GHR: variants seen among roughly 807,000 people sequenced by gnomAD.
GHR encodes growth hormone receptor.
GHR carries 35 observed loss-of-function variants against 67.1 expected under a neutral mutation model. The ratio of observed to expected loss-of-function variants is 0.52; its 90% CI spans 0.40 to 0.69. The LOEUF (loss-of-function observed/expected upper bound fraction) is 0.69, where lower values mean the gene tolerates loss of function less well. Among genes scored for constraint, GHR ranks in the 30% least tolerant of loss-of-function variants. GHR has a pLI of 0.00. For synonymous variants in GHR, 272 were observed against 269.1 expected (o/e 1.01, Z -0.10); for missense variants, 792 against 764.6 (o/e 1.04, Z -0.42).
intron 3 of GHR, among the ~76,000 whole-genome samples, chr5:42,679,093 G>T (rs1756713833): frequency 7.1e-6 from 1 of 139,992 alleles, no homozygotes; most frequent in Admixed American, 7.3e-5. Context: ...ACTAATATTA[G>T]TATGTATTAA....
chr5:42,562,053 ATC>A (rs1749636605), intron 1 of GHR, among the ~76,000 whole-genome samples: 1 of 152,210 alleles, frequency 6.6e-6, no homozygotes, highest in African/African-American at 2.4e-5. Context: ...CATCTAGTAT[ATC>A]ATTACATTGT....
At chr5:42,662,564 A>G (rs911163428) in intron 3 of GHR, among the ~76,000 whole-genome samples, 7 of 152,238 alleles carry the variant, frequency 4.6e-5, no homozygotes, top group African/African-American at 1.7e-4. Context: ...CAACAAGAAC[A>G]AAGACACAAC....
At chr5:42,611,243 G>A (rs1322506441) in intron 2 of GHR, among the ~76,000 whole-genome samples, 2 of 152,022 alleles carry the variant, frequency 1.3e-5, no homozygotes, top group Non-Finnish European at 2.9e-5. Flanking sequence ...AGTGTAATGT[G>A]TCTAAATGTA....
intron 1 of GHR, among the ~76,000 whole-genome samples, chr5:42,479,742 C>A (rs1007733967): frequency 3.0e-4 from 45 of 152,260 alleles, no homozygotes; most frequent in African/African-American, 1.1e-3. Flanking sequence ...TCCCCTTTAT[C>A]ATTTTTTATT....
rs952796327 is a variant in GHR at position 42,477,932 on chromosome 5, G to C, written c.-12+53977G>C. On this transcript the variant is annotated intron_variant, in intron 1 of 9. Coordinates refer to ENST00000230882, the MANE Select transcript of GHR (RefSeq NM_000163.5). ...TTTTGCTTTTGTTGCCATTGCTTTT[G>C]GTGTTTTAGACATGAAGTCCTTGCC... Among the ~76,000 whole-genome samples, 63 of 152,072 alleles carry C rather than the reference G, an allele frequency of 4.1e-4. 1 individual carries two copies. Among genetic ancestry groups the C allele is most frequent in the Non-Finnish European group, 5.1e-4 (35 of 67,978 alleles).
At chr5:42,511,661 T>G (rs72753101) in intron 1 of GHR, among the ~76,000 whole-genome samples, 1,803 of 152,276 alleles carry the variant, frequency 0.012, 15 homozygotes, top group Middle Eastern at 0.017. Flanking sequence ...TTGTCTTCCT[T>G]TACTTACTGA....
chr5:42,697,584 A>C (rs931207239), intron 5 of GHR, among the ~76,000 whole-genome samples: 1 of 152,178 alleles, frequency 6.6e-6, no homozygotes, highest in Non-Finnish European at 1.5e-5. Context: ...AAGTAGGAGC[A>C]TGCTTTTCCT....
intron 1 of GHR, among the ~76,000 whole-genome samples, chr5:42,540,933 T>C (rs1748486380): frequency 7.3e-6 from 1 of 137,018 alleles, no homozygotes. Flanking sequence ...CAGTCTCTAG[T>C]ATTTTCCTTG....
intron 3 of GHR, among the ~76,000 whole-genome samples, chr5:42,644,422 G>T (rs532859428): frequency 1.3e-5 from 2 of 152,112 alleles, no homozygotes; most frequent in African/African-American, 4.8e-5. Flanking sequence ...GAAATTGTCT[G>T]GTTTCTGCAA....
intron 2 of GHR, among the ~76,000 whole-genome samples, chr5:42,584,159 T>G (rs892980151): frequency 6.6e-6 from 1 of 152,176 alleles, no homozygotes; most frequent in Non-Finnish European, 1.5e-5. Context: ...TTTAATGTGC[T>G]TCTTTGGTGT....
intron 2 of GHR, among the ~76,000 whole-genome samples, chr5:42,581,143 A>G (rs996255070): frequency 3.3e-5 from 5 of 152,188 alleles, no homozygotes; most frequent in African/African-American, 1.2e-4. Flanking sequence ...AAATTGTTTG[A>G]TTAAAAGATT....
chr5:42,519,256 C>T (rs1747372527), intron 1 of GHR, among the ~76,000 whole-genome samples: 1 of 152,042 alleles, frequency 6.6e-6, no homozygotes, highest in Non-Finnish European at 1.5e-5. Context: ...GAAAGTTTGA[C>T]CAAAATTTCA....
chr5:42,685,044 C>G (rs929861034), intron 3 of GHR, among the ~76,000 whole-genome samples: 21 of 152,018 alleles, frequency 1.4e-4, no homozygotes, highest in Admixed American at 6.6e-4. Flanking sequence ...GCTGCACCCA[C>G]CAACCCGTCA....
chr5:42,639,970 T>A (rs1286974884), intron 3 of GHR, among the ~76,000 whole-genome samples: 1 of 152,092 alleles, frequency 6.6e-6, no homozygotes, highest in African/African-American at 2.4e-5. Flanking sequence ...GGGAGAGGTG[T>A]TAGCATAGAT....
At chr5:42,496,951 G>GAAAGC (rs1746346634) in intron 1 of GHR, among the ~76,000 whole-genome samples, 2 of 152,284 alleles carry the variant, frequency 1.3e-5, no homozygotes, top group South Asian at 4.1e-4. Context: ...GTGAATAAGA[G>GAAAGC]AAAGCAAAGC....
At chr5:42,597,225 T>C (rs534598173) in intron 2 of GHR, among the ~76,000 whole-genome samples, 77 of 152,264 alleles carry the variant, frequency 5.1e-4, no homozygotes, top group African/African-American at 1.7e-3. Context: ...CCCACTGTTA[T>C]GTAGTATTTT....
chr5:42,508,000 G>A (rs1746850371), intron 1 of GHR, among the ~76,000 whole-genome samples: 1 of 152,146 alleles, frequency 6.6e-6, no homozygotes, highest in Non-Finnish European at 1.5e-5. Flanking sequence ...CAAACAGAGA[G>A]TAACTAGTCC....
chr5:42,663,649 GC>G (rs1660246531), intron 3 of GHR, among the ~76,000 whole-genome samples: 1 of 152,112 alleles, frequency 6.6e-6, no homozygotes, highest in Non-Finnish European at 1.5e-5. Context: ...TACTGAATGG[GC>G]AAAAACTGGA....
chr5:42,655,630 ATGTACAAGG>A (rs1755217696), intron 3 of GHR, among the ~76,000 whole-genome samples: 1 of 152,136 alleles, frequency 6.6e-6, no homozygotes, highest in South Asian at 2.1e-4. Flanking sequence ...AGTTATATAT[ATGTACAAGG>A]TTCTAATATA....
Sources: allele counts gnomAD v4.1 joint callset (sites outside exome capture counted in the v4.1 genomes callset), GRCh38; gene constraint gnomAD v4.1.1; transcripts MANE v1.5; gene names NCBI Gene and HGNC (gene_info 2026-07-23, HGNC 2026-07-21).